LRP1B: variants seen among roughly 807,000 people sequenced by gnomAD.
The protein encoded by LRP1B is LDL receptor related protein 1B.
A neutral mutation model predicts 556.6 loss-of-function variants in LRP1B; 217 were observed. The observed-to-expected ratio is 0.39, with a 90% CI of 0.35 to 0.44. The LOEUF (loss-of-function observed/expected upper bound fraction) is 0.44, where lower values mean the gene tolerates loss of function less well. Ranked by LOEUF, LRP1B falls within the 20% of genes least tolerant of loss-of-function variation. The probability of loss-of-function intolerance (pLI) is 1.00; values close to 1 mark genes in which losing one functional copy is unlikely to be tolerated. For missense variants in LRP1B, 5,053 were observed against 5,620.8 expected (o/e 0.90, Z 3.23); for synonymous variants, 2,047 against 1,865.8 (o/e 1.10, Z -2.50).
intron 83 of LRP1B, among the ~76,000 whole-genome samples, chr2:140,313,295 T>C (rs1222295871): frequency 6.6e-6 from 1 of 151,910 alleles, no homozygotes; most frequent in East Asian, 1.9e-4. Context: ...TTCTTGAACA[T>C]TTTATGTAAA....
chr2:140,461,126 G>C (rs1473789447), intron 60 of LRP1B, among the ~76,000 whole-genome samples: 1 of 151,424 alleles, frequency 6.6e-6, no homozygotes, highest in African/African-American at 2.4e-5. Flanking sequence ...TCCAGAACAT[G>C]GTTTTGGCTT....
intron 1 of LRP1B, among the ~76,000 whole-genome samples, chr2:141,866,795 A>G (rs1256630161): frequency 1.3e-5 from 2 of 151,726 alleles, no homozygotes; most frequent in Non-Finnish European, 2.9e-5. Context: ...ATGAGGTAAG[A>G]GAAGGGGAGA....
At chr2:140,535,820 G>A (rs1186608622) in intron 46 of LRP1B, among the ~76,000 whole-genome samples, 1 of 152,130 alleles carries the variant, frequency 6.6e-6, no homozygotes, top group Non-Finnish European at 1.5e-5. Flanking sequence ...ACTCCTGAGG[G>A]TAGATGTTGA....
intron 1 of LRP1B, among the ~76,000 whole-genome samples, chr2:141,812,739 G>A (rs1447179419): frequency 6.6e-6 from 1 of 152,108 alleles, no homozygotes; most frequent in Non-Finnish European, 1.5e-5. Context: ...CATCTCCTAG[G>A]AGACTCTTGC....
intron 83 of LRP1B, among the ~76,000 whole-genome samples, chr2:140,309,116 T>TAA (rs1684187807): frequency 6.6e-6 from 1 of 151,834 alleles, no homozygotes; most frequent in Non-Finnish European, 1.5e-5. Flanking sequence ...AATGTAATGT[T>TAA]TTCCTGGATT....
intron 2 of LRP1B, among the ~76,000 whole-genome samples, chr2:141,672,897 T>C (rs1690727338): frequency 6.6e-6 from 1 of 152,182 alleles, no homozygotes; most frequent in Admixed American, 6.5e-5. Flanking sequence ...AGTCTCTGAA[T>C]TCCTTTTCTC....
intron 2 of LRP1B, among the ~76,000 whole-genome samples, chr2:141,737,654 C>T (rs1399048616): frequency 6.6e-6 from 1 of 152,112 alleles, no homozygotes; most frequent in African/African-American, 2.4e-5. Flanking sequence ...TGGGATTACA[C>T]AATTTTTTGG....
At chr2:141,797,339 T>C (rs1695859176) in intron 2 of LRP1B, among the ~76,000 whole-genome samples, 1 of 151,672 alleles carries the variant, frequency 6.6e-6, no homozygotes, top group Non-Finnish European at 1.5e-5. Flanking sequence ...AAAAGATTGC[T>C]GTCCTTAAGG....
chr2:140,569,492 A>G (rs949593928), intron 43 of LRP1B, among the ~76,000 whole-genome samples: 1 of 151,884 alleles, frequency 6.6e-6, no homozygotes, highest in Non-Finnish European at 1.5e-5. Flanking sequence ...AATGGCAAAG[A>G]GGATGGAATA....
chr2:142,088,999 AAAAG>A (rs1706060668), intron 1 of LRP1B, among the ~76,000 whole-genome samples: 1 of 132,552 alleles, frequency 7.5e-6, no homozygotes, highest in Non-Finnish European at 1.7e-5. Flanking sequence ...AAAAAAAAGA[AAAAG>A]AAAAAGTTAC....
chr2:141,518,067 A>G (rs576043351), intron 2 of LRP1B, among the ~76,000 whole-genome samples: 9 of 152,216 alleles, frequency 5.9e-5, no homozygotes, highest in East Asian at 1.9e-4. Context: ...AAAGGTAGAC[A>G]TTAATCAAAT....
chr2:141,376,842 C>T (rs141743926), intron 3 of LRP1B, among the ~76,000 whole-genome samples: 2,255 of 152,174 alleles, frequency 0.015, 65 homozygotes, highest in African/African-American at 0.052. Flanking sequence ...TACAAATGCT[C>T]TTTCCCACTT....
At chr2:141,972,282 A>G (rs145870985) in intron 1 of LRP1B, among the ~76,000 whole-genome samples, 7 of 151,748 alleles carry the variant, frequency 4.6e-5, no homozygotes, top group Admixed American at 2.6e-4. Context: ...GTTGATTTAG[A>G]TTGAGTATAC....
intron 41 of LRP1B, among the ~76,000 whole-genome samples, chr2:140,667,952 G>A (rs1331688876): frequency 1.3e-5 from 2 of 152,096 alleles, no homozygotes; most frequent in African/African-American, 4.8e-5. Flanking sequence ...AACTCAAAAG[G>A]TATTTAATGA....
At chr2:141,125,857 A>AAAC (rs1553463715) in intron 7 of LRP1B, among the ~76,000 whole-genome samples, 5 of 150,580 alleles carry the variant, frequency 3.3e-5, no homozygotes, top group East Asian at 1.9e-4. Flanking sequence ...AAAAAAAAAA[A>AAAC]AAAACAAAAA....
intron 7 of LRP1B, among the ~76,000 whole-genome samples, chr2:141,096,629 G>GGGAGAGAGAGA (rs1700318118): frequency 1.7e-5 from 1 of 59,744 alleles, no homozygotes; most frequent in African/African-American, 7.3e-5. Flanking sequence ...GGGGAGAGGG[G>GGGAGAGAGAGA]GAGAGAGAGA....
intron 14 of LRP1B, among the ~76,000 whole-genome samples, chr2:141,009,395 T>TA (rs1484794729): frequency 6.6e-6 from 1 of 151,964 alleles, no homozygotes; most frequent in Non-Finnish European, 1.5e-5. Flanking sequence ...AAATGCTTCT[T>TA]ACTTTTTTTC....
At chr2:141,977,132 AAATC>A (rs1364326880) in intron 1 of LRP1B, among the ~76,000 whole-genome samples, 2 of 152,206 alleles carry the variant, frequency 1.3e-5, no homozygotes, top group Non-Finnish European at 2.9e-5. Context: ...ACTCAGAAAT[AAATC>A]AACTTTAAAC....
At chr2:140,255,070 AT>A (rs1681617314) in intron 86 of LRP1B, among the ~76,000 whole-genome samples, 1 of 152,214 alleles carries the variant, frequency 6.6e-6, no homozygotes, top group African/African-American at 2.4e-5. Flanking sequence ...AATGAGAAAG[AT>A]TTGTTTAAAT....
Sources: allele counts gnomAD v4.1 joint callset (sites outside exome capture counted in the v4.1 genomes callset), GRCh38; gene constraint gnomAD v4.1.1; transcripts MANE v1.5; gene names NCBI Gene and HGNC (gene_info 2026-07-23, HGNC 2026-07-21).